AGAP1: variants seen among roughly 807,000 people sequenced by gnomAD.
AGAP1 encodes the protein ArfGAP with GTPase domain, ankyrin repeat and PH domain 1.
In AGAP1, 29 loss-of-function variants were observed where a neutral mutation model predicts 105.3. The ratio of observed to expected loss-of-function variants is 0.28; its 90% CI spans 0.21 to 0.38. The LOEUF (loss-of-function observed/expected upper bound fraction) is 0.38. AGAP1 is among the 10% of genes least tolerant of loss of function. The probability of loss-of-function intolerance (pLI) is 1.00; values close to 1 mark genes in which losing one functional copy is unlikely to be tolerated. For missense variants in AGAP1, 998 were observed against 1,165.1 expected (o/e 0.86, Z 2.09); for synonymous variants, 509 against 485.9 (o/e 1.05, Z -0.63).
Position 236,042,245 on chromosome 2 carries a change from G to A in AGAP1, c.1891+1404G>A, listed in dbSNP as rs574140695. Among the ~76,000 whole-genome samples, 2 of 152,188 alleles carry A rather than the reference G, an allele frequency of 1.3e-5. No individual in the cohort carries two copies. The highest frequency in any genetic ancestry group is 3.9e-4 in the East Asian group (2 of 5,134). ...GGAAGGGAGACAGGAGCCCAGGACT[G>A]CTCCAGACAAAAGGGAAAGGAAGCG... On this transcript the variant is annotated intron_variant, in intron 15 of 17. Coordinates refer to ENST00000304032, the MANE Select transcript of AGAP1 (RefSeq NM_001037131.3). This position sits in a 1 kb window ranked among gnomAD's most constrained non-coding sequence, Gnocchi z 5.6.
At chr2:236,085,049 C>T (rs1402401858) in intron 16 of AGAP1, among the ~76,000 whole-genome samples, 1 of 150,542 alleles carries the variant, frequency 6.6e-6, no homozygotes, top group African/African-American at 2.4e-5. Flanking sequence ...CCTGTCTCTA[C>T]TAAAAATACA....
At position 236,121,446 on chromosome 2, in the gene AGAP1, G is replaced by A. The variant is rs1441068068; in HGVS notation, c.2370+999G>A. Among the ~76,000 whole-genome samples, 6 of 152,088 alleles carry A rather than the reference G, an allele frequency of 3.9e-5. No individual in the cohort carries two copies. The highest frequency in any genetic ancestry group is 1.4e-4 in the African/African-American group (6 of 41,414). On this transcript the variant is annotated intron_variant, in intron 17 of 17. Coordinates refer to ENST00000304032, the MANE Select transcript of AGAP1 (RefSeq NM_001037131.3). The surrounding 1 kb of genome is among the most constrained non-coding windows in gnomAD (Gnocchi z 4.9). ...CTCCCAGGAAGCTGGGATTACAGGT[G>A]CGCACCACCACGCCCAGCTAATTTT...
rs1576338885 is a variant in AGAP1 at position 236,114,857 on chromosome 2, A to C, written c.2115-5335A>C. Among the ~76,000 whole-genome samples, 1 of 152,160 alleles carries C rather than the reference A, an allele frequency of 6.6e-6. No individual in the cohort carries two copies. The highest frequency in any genetic ancestry group is 1.9e-4 in the East Asian group (1 of 5,190). On this transcript the variant is annotated intron_variant, in intron 16 of 17. Coordinates refer to ENST00000304032, the MANE Select transcript of AGAP1 (RefSeq NM_001037131.3). This position sits in a 1 kb window ranked among gnomAD's most constrained non-coding sequence, Gnocchi z 5.0. ...ATCCAAGAAGCCCTTAAACATCTCA[A>C]GGCTATGGGCAGGAGCCAACCAGAT...
rs771569923 is a variant in AGAP1, at chr2:235,573,061, T to TTCTTCTTC, written c.163+78213_163+78214insCTTCTTCT. On this transcript the variant is annotated intron_variant, in intron 1 of 17. Transcript: ENST00000304032. ...CTTCTTCTTCTTCTTCTTCTTCTTCTTTCTTCTTTCTTCTTTCTTCTTTCT... is the reference window on the plus strand; with the variant it reads ...CTTCTTCTTCTTCTTCTTCTTCTTCTTCTTCTTCTTCTTCTTTCTTCTTTCTTCTTTCT... 4.6e-4 allele frequency among the ~76,000 whole-genome samples: 31 copies of TTCTTCTTC among 67,352 alleles called. 5 individuals are homozygous for TTCTTCTTC. The East Asian group carries it at 7.2e-3, about 16-fold the overall frequency. 44.2% of individuals were successfully genotyped at this position (67,352 alleles called of 152,430 possible). A position where few individuals can be genotyped will look rare whatever the true frequency, so the allele number is the denominator to read the frequency against.
rs142441014 is a variant in AGAP1 at position 235,953,210 on chromosome 2, T to G, written c.1484-15252T>G. Among the ~76,000 whole-genome samples the G allele has an allele frequency of 3.9e-5, 6 of 152,320 alleles. No individual in the cohort carries two copies. Among genetic ancestry groups the G allele is most frequent in the Admixed American group, 6.5e-5 (1 of 15,308 alleles). On this transcript the variant is annotated intron_variant, in intron 12 of 17. Coordinates refer to ENST00000304032, the MANE Select transcript of AGAP1 (RefSeq NM_001037131.3). The surrounding 1 kb of genome is among the most constrained non-coding windows in gnomAD (Gnocchi z 5.2). ...AAGTTTTTCAAATATTTTAGGTGTT[T>G]ACAAAATATTTCTATGAGGACAGAT...
chr2:235,707,809 GCTC>G (rs1288028235), intron 1 of AGAP1, among the ~76,000 whole-genome samples: 5 of 149,594 alleles, frequency 3.3e-5, no homozygotes, highest in Admixed American at 6.6e-5. Context: ...GGTGGGACAT[GCTC>G]CTCATTTGTG....
intron 1 of AGAP1, among the ~76,000 whole-genome samples, chr2:235,694,134 A>G (rs1478647393): frequency 6.6e-6 from 1 of 151,976 alleles, no homozygotes; most frequent in African/African-American, 2.4e-5. Flanking sequence ...ATCTGAGGTC[A>G]GGAATTCAAG....
rs1944979214 is a variant in AGAP1, at chr2:235,582,848, C to T, written c.163+87999C>T. 6.6e-6 allele frequency among the ~76,000 whole-genome samples: 1 copy of T among 152,198 alleles called. No homozygotes were observed. Among genetic ancestry groups the T allele is most frequent in the South Asian group, 2.1e-4 (1 of 4,834 alleles). ...TTCCTAAAGTGCTTTCTAGCACTGA[C>T]CGACTCCAGGAGGCAGCACTGGCAA... is the stretch of plus-strand genomic sequence containing the variant. On this transcript the variant is annotated intron_variant, in intron 1 of 17. Transcript: ENST00000304032. The surrounding 1 kb of genome is among the most constrained non-coding windows in gnomAD (Gnocchi z 4.7).
intron 12 of AGAP1, among the ~76,000 whole-genome samples, chr2:235,947,405 T>G (rs928375823): frequency 5.3e-5 from 8 of 152,226 alleles, no homozygotes; most frequent in African/African-American, 1.4e-4. Flanking sequence ...GCCATTATTT[T>G]GTTCCTTTTT....
chr2:235,997,521 G>A (rs1385002040), intron 13 of AGAP1, among the ~76,000 whole-genome samples: 1 of 152,140 alleles, frequency 6.6e-6, no homozygotes. Flanking sequence ...ATACATTTTT[G>A]TGAGGCCTGG....
At chr2:235,630,850 T>C (rs1036515134) in intron 1 of AGAP1, among the ~76,000 whole-genome samples, 3 of 152,304 alleles carry the variant, frequency 2.0e-5, no homozygotes, top group Non-Finnish European at 4.4e-5. Context: ...CTCCTCCTAA[T>C]GATTTGAACT....
Position 235,622,145 on chromosome 2 carries a change from A to G in AGAP1, c.164-87034A>G, listed in dbSNP as rs1372962964. 6.6e-6 allele frequency among the ~76,000 whole-genome samples: 1 copy of G among 152,142 alleles called. No homozygotes were observed. Among genetic ancestry groups the G allele is most frequent in the African/African-American group, 2.4e-5 (1 of 41,440 alleles). ...AAATAAACTTTTTTTTTTCTGTACA[A>G]AATTAGATTTAGCTAAAGTAGCTTA... On this transcript the variant is annotated intron_variant, in intron 1 of 17. Coordinates refer to ENST00000304032, the MANE Select transcript of AGAP1 (RefSeq NM_001037131.3). This position sits in a 1 kb window ranked among gnomAD's most constrained non-coding sequence, Gnocchi z 5.0.
rs373457404 is a variant in AGAP1 at position 235,931,434 on chromosome 2, CATTATTATT to C, written c.1483+524_1483+532del. 1.3e-5 allele frequency among the ~76,000 whole-genome samples: 2 copies of C among 151,428 alleles called. No homozygotes were observed. Among genetic ancestry groups the C allele is most frequent in the Non-Finnish European group, 2.9e-5 (2 of 67,898 alleles). On this transcript the variant is annotated intron_variant, in intron 12 of 17. Transcript: ENST00000304032. This position sits in a 1 kb window ranked among gnomAD's most constrained non-coding sequence, Gnocchi z 5.6. Reference sequence around the variant, plus strand: ...TCCTTCAGTTTTCAAATTCCTTTGGCATTATTATTATTATTATTATTTTGACAAGTGTAT... The same window carrying C: ...TCCTTCAGTTTTCAAATTCCTTTGGCATTATTATTATTTTGACAAGTGTAT...
chr2:235,972,504 G>T (rs2054691387), intron 13 of AGAP1, among the ~76,000 whole-genome samples: 1 of 152,164 alleles, frequency 6.6e-6, no homozygotes, highest in Admixed American at 6.5e-5. Context: ...AGAACCCGGG[G>T]TGTAACGGGG....
At chr2:235,746,635 C>T (rs1432333969) in intron 5 of AGAP1, among the ~76,000 whole-genome samples, 1 of 151,906 alleles carries the variant, frequency 6.6e-6, no homozygotes, top group Non-Finnish European at 1.5e-5. Flanking sequence ...AGTGGATGCT[C>T]ATCCACAGCA....
At chr2:235,696,580 CCTT>C (rs2149460787) in intron 1 of AGAP1, among the ~76,000 whole-genome samples, 1 of 152,318 alleles carries the variant, frequency 6.6e-6, no homozygotes, top group East Asian at 1.9e-4. Flanking sequence ...GCTCAACAGA[CCTT>C]CTCCCAGGAG....
chr2:235,950,673 C>G (rs1385297209), intron 12 of AGAP1, among the ~76,000 whole-genome samples: 1 of 145,358 alleles, frequency 6.9e-6, no homozygotes, highest in Non-Finnish European at 1.5e-5. Context: ...CCTGACCCTT[C>G]CAGCAGCCAC....
chr2:235,624,533 A>T (rs981164234), intron 1 of AGAP1, among the ~76,000 whole-genome samples: 4 of 152,206 alleles, frequency 2.6e-5, no homozygotes, highest in Non-Finnish European at 5.9e-5. Context: ...TCCATTTAGA[A>T]CTTAAAATAT....
intron 13 of AGAP1, among the ~76,000 whole-genome samples, chr2:236,033,106 A>G (rs536367189): frequency 3.3e-5 from 5 of 152,174 alleles, no homozygotes; most frequent in African/African-American, 9.6e-5. Flanking sequence ...TTAGCCGGAT[A>G]TGGTGGCACA....
Sources: gnomAD v4.1 joint callset for allele counts (sites outside exome capture counted in the v4.1 genomes callset) on GRCh38, gnomAD v4.1.1 for gene constraint, Gnocchi (gnomAD v3.1) non-coding constraint, MANE v1.5 for transcripts, NCBI Gene and HGNC (gene_info 2026-07-23, HGNC 2026-07-21) for gene names.